The following BCL2L13 variants were observed in gnomAD, a reference collection of about 807,000 sequenced individuals.
BCL2L13 encodes BCL2 like 13.
BCL2L13 carries 13 observed loss-of-function variants against 25.8 expected under a neutral mutation model. The observed-to-expected ratio is 0.50, with a 90% confidence interval of 0.33 to 0.80. The LOEUF (loss-of-function observed/expected upper bound fraction) is 0.80, where lower values mean the gene tolerates loss of function less well. Ranked by LOEUF, BCL2L13 falls within the 30% of genes least tolerant of loss-of-function variation. BCL2L13 has a pLI of 0.02. For missense variants in BCL2L13, 504 were observed against 574.9 expected, an observed-to-expected ratio of 0.88 and a Z score of 1.26; for synonymous variants, 244 against 230.3, an observed-to-expected ratio of 1.06 and a Z score of -0.54.
chr22:17,646,953 ATATTTTTTTTTTT>A (rs1317066427), intron 1 of BCL2L13, among the ~76,000 whole-genome samples: 3 of 21,632 alleles, frequency 1.4e-4, no homozygotes, highest in South Asian at 3.0e-3. Flanking sequence ...ATATATATAT[ATATTTTTTTTTTT>A]TTTTTTTTTT....
chr22:17,654,304 A>G (rs923144162), intron 1 of BCL2L13, among the ~76,000 whole-genome samples: 4 of 151,816 alleles, frequency 2.6e-5, no homozygotes. Flanking sequence ...AGGTTTTACC[A>G]TGTTACCATG....
At position 17,702,374 on chromosome 22, in the gene BCL2L13, G is replaced by A; in HGVS notation, c.588G>A (p.Gln196=). The change falls in exon 6 of 7, where the codon CAG becomes CAA. Residue 196 remains glutamine (Q), a synonymous_variant. Coordinates refer to ENST00000317582, the MANE Select transcript of BCL2L13 (RefSeq NM_015367.4). ...ACTATTCGGCAGAGTACATCATTCA[G>A]CAAGGTGGCTGGGTATGAGCTGTTA... is the stretch of plus-strand genomic sequence containing the variant. ...LEDYSAEYII[Q]QGGWGTVFSL... The A allele has an allele frequency of 6.3e-7, 1 of 1,592,120 alleles. No homozygotes were observed. Among genetic ancestry groups the A allele is most frequent in the South Asian group, 1.1e-5 (1 of 87,114 alleles).
chr22:17,696,066 G>T, intron 4 of BCL2L13, 75 bp from the exon 5 acceptor site: 2 of 1,044,856 alleles, frequency 1.9e-6, no homozygotes, highest in South Asian at 2.6e-5. Context: ...ACAGAGTAGT[G>T]ACTGTATATG....
At chr22:17,696,086 G>A in intron 4 of BCL2L13, 55 bp from the exon 5 acceptor site, 1 of 1,329,450 alleles carries the variant, frequency 7.5e-7, no homozygotes. Flanking sequence ...GTATTCATCT[G>A]GAAATACAGA....
chr22:17,689,266 C>A, intron 4 of BCL2L13, 124 bp downstream of exon 4: 1 of 765,398 alleles, frequency 1.3e-6, no homozygotes, highest in Non-Finnish European at 1.9e-6. Flanking sequence ...CTTTTCTTTA[C>A]ATTTTCTTCA....
At chr22:17,723,279 A>T (rs2061199584) in intron 6 of BCL2L13, among the ~76,000 whole-genome samples, 1 of 152,136 alleles carries the variant, frequency 6.6e-6, no homozygotes, top group African/African-American at 2.4e-5. Flanking sequence ...AAAAGCTGGG[A>T]GGCCTAGAAG....
intron 2 of BCL2L13, among the ~76,000 whole-genome samples, chr22:17,681,816 T>A (rs2059764982): frequency 6.6e-6 from 1 of 152,180 alleles, no homozygotes. Flanking sequence ...GTTGACTGCC[T>A]GGGTTTGTAT....
chr22:17,659,877 C>T (rs1198750916), intron 2 of BCL2L13, among the ~76,000 whole-genome samples: 1 of 145,978 alleles, frequency 6.9e-6, no homozygotes, highest in Non-Finnish European at 1.6e-5. Context: ...ATTTTTGAGA[C>T]AAGAATCTTG....
At position 17,702,375 on chromosome 22, in the gene BCL2L13, C is replaced by T; in HGVS notation, c.589C>T (p.Gln197Ter). 1.3e-6 allele frequency: 2 copies of T among 1,591,922 alleles called. No homozygotes were observed. Among genetic ancestry groups the T allele is most frequent in the Non-Finnish European group, 1.7e-6 (2 of 1,171,258 alleles). Residue 197 changes from glutamine (Q) to a stop codon, truncating the protein, a stop_gained, in exon 6 of 7, where the codon CAA becomes TAA. Coordinates refer to ENST00000317582, the MANE Select transcript of BCL2L13 (RefSeq NM_015367.4). LOFTEE classifies it low-confidence loss of function (END_TRUNC). ...EDYSAEYIIQQGGWGTVFSLE... is the reference protein window; with the variant it reads ...EDYSAEYIIQ ...CTATTCGGCAGAGTACATCATTCAG[C>T]AAGGTGGCTGGGTATGAGCTGTTAT...
chr22:17,689,942 C>G (rs1468031580), intron 4 of BCL2L13, among the ~76,000 whole-genome samples: 1 of 151,844 alleles, frequency 6.6e-6, no homozygotes, highest in Non-Finnish European at 1.5e-5. Flanking sequence ...CTTCTACATT[C>G]TTATAGAAGG....
intron 6 of BCL2L13, among the ~76,000 whole-genome samples, chr22:17,720,123 T>G (rs1031599439): frequency 1.6e-4 from 23 of 144,368 alleles, no homozygotes; most frequent in African/African-American, 5.5e-4. Flanking sequence ...TAAAAACCAC[T>G]GAATGGTACA....
chr22:17,632,150 A>G (rs1032327580), intron 1 of BCL2L13, among the ~76,000 whole-genome samples: 105 of 152,132 alleles, frequency 6.9e-4, no homozygotes, highest in African/African-American at 2.4e-3. Flanking sequence ...AATACTGATA[A>G]TGCTGGATAA....
intron 1 of BCL2L13, among the ~76,000 whole-genome samples, chr22:17,646,479 C>T (rs1160809307): frequency 6.6e-6 from 1 of 150,876 alleles, no homozygotes; most frequent in African/African-American, 2.5e-5. Flanking sequence ...AAACTCCTGA[C>T]CTCAGGTGAT....
At chr22:17,719,385 G>A (rs777357261) in intron 6 of BCL2L13, among the ~76,000 whole-genome samples, 11 of 151,860 alleles carry the variant, frequency 7.2e-5, no homozygotes, top group Non-Finnish European at 1.0e-4. Context: ...ATAATTTGAC[G>A]TAAAATTACC....
chr22:17,664,458 G>A (rs972755080), intron 2 of BCL2L13, among the ~76,000 whole-genome samples: 5 of 152,064 alleles, frequency 3.3e-5, no homozygotes, highest in Non-Finnish European at 7.3e-5. Flanking sequence ...GAGTGTCTGT[G>A]GCTCTTCCCG....
intron 6 of BCL2L13, among the ~76,000 whole-genome samples, chr22:17,708,885 C>T (rs762727917): frequency 1.3e-5 from 2 of 152,106 alleles, no homozygotes; most frequent in Non-Finnish European, 2.9e-5. Context: ...AATATATTAT[C>T]CAAAACAGCT....
At chr22:17,719,017 A>G (rs1023352470) in intron 6 of BCL2L13, among the ~76,000 whole-genome samples, 1 of 151,832 alleles carries the variant, frequency 6.6e-6, no homozygotes, top group Non-Finnish European at 1.5e-5. Flanking sequence ...AGCCAGGCAC[A>G]GTGGTGCATG....
rs533213216 is a variant in BCL2L13 at position 17,681,553 on chromosome 22, T to TTA, written c.122-1658_122-1657dup. On this transcript the variant is annotated intron_variant, in intron 2 of 6. Coordinates refer to ENST00000317582, the MANE Select transcript of BCL2L13 (RefSeq NM_015367.4). ...ATTAGTAAAGAGTTTAAACCAAGGC[T>TTA]TATAGAGGTCCTGAGAGGGTCCATG... Among the ~76,000 whole-genome samples, 106 of 151,510 alleles carry TTA rather than the reference T, an allele frequency of 7.0e-4. 2 individuals carry two copies. In the East Asian group the frequency reaches 0.017, roughly 24 times the overall value.
intron 1 of BCL2L13, among the ~76,000 whole-genome samples, chr22:17,648,613 A>T (rs2058574518): frequency 6.6e-6 from 1 of 152,194 alleles, no homozygotes; most frequent in Non-Finnish European, 1.5e-5. Context: ...CCAGAATAAC[A>T]AATATGCATT....
Sources: gnomAD v4.1 joint callset for allele counts (sites outside exome capture counted in the v4.1 genomes callset) on GRCh38, gnomAD v4.1.1 for gene constraint, MANE v1.5 for transcripts, NCBI Gene and HGNC (gene_info 2026-07-23, HGNC 2026-07-21) for gene names.